The following INPP5A variants were observed in gnomAD, a reference collection of about 807,000 sequenced individuals.
INPP5A encodes the protein inositol polyphosphate-5-phosphatase A.
Under a neutral mutation model 65.2 loss-of-function variants are expected in INPP5A, and 14 were observed. The observed-to-expected ratio is 0.21, with a 90% CI of 0.14 to 0.34. The LOEUF (loss-of-function observed/expected upper bound fraction) is 0.34. Among genes scored for constraint, INPP5A ranks in the 10% least tolerant of loss-of-function variants. INPP5A has a pLI of 1.00. For synonymous variants in INPP5A, 207 were observed against 208.3 expected (o/e 0.99, Z 0.05); for missense variants, 431 against 545.6 (o/e 0.79, Z 2.09).
chr10:132,568,911 A>ATTTTT (rs1171904388), intron 1 of INPP5A, among the ~76,000 whole-genome samples: 8 of 129,050 alleles, frequency 6.2e-5, no homozygotes, highest in African/African-American at 2.3e-4. Context: ...TCTTACCGGC[A>ATTTTT]TTTTTTTTTT....
chr10:132,713,623 C>G (rs1369085004), intron 8 of INPP5A, among the ~76,000 whole-genome samples: 1 of 152,136 alleles, frequency 6.6e-6, no homozygotes, highest in African/African-American at 2.4e-5. Context: ...GTGATGGAGC[C>G]CTGGTCCCCT....
intron 9 of INPP5A, among the ~76,000 whole-genome samples, chr10:132,737,899 A>G (rs1489634404): frequency 6.6e-6 from 1 of 152,234 alleles, no homozygotes; most frequent in Admixed American, 6.5e-5. Context: ...TAGTGATGAC[A>G]TTAGGCTTCG....
At chr10:132,654,427 C>G (rs2072623394) in intron 4 of INPP5A, among the ~76,000 whole-genome samples, 1 of 152,258 alleles carries the variant, frequency 6.6e-6, no homozygotes, top group Admixed American at 6.5e-5. Flanking sequence ...TGTCTTGTCA[C>G]TGAGACTGGG....
At position 132,741,742 on chromosome 10, in the gene INPP5A, A is replaced by G. The variant is rs1846275576; in HGVS notation, c.733-7775A>G. On this transcript the variant is annotated intron_variant, in intron 9 of 15. Coordinates refer to ENST00000368594, the MANE Select transcript of INPP5A (RefSeq NM_005539.5). This position sits in a 1 kb window ranked among gnomAD's most constrained non-coding sequence, Gnocchi z 4.4. Reference sequence around the variant, plus strand: ...TATCTGTGTCCGCTTGCTTTACTCAATAGCCGACGTAAACTGAGGTGGACG... The same window carrying G: ...TATCTGTGTCCGCTTGCTTTACTCAGTAGCCGACGTAAACTGAGGTGGACG... Among the ~76,000 whole-genome samples the G allele has an allele frequency of 1.7e-5, 1 of 58,394 alleles. No individual in the cohort carries two copies. Among genetic ancestry groups the G allele is most frequent in the South Asian group, 6.1e-4 (1 of 1,646 alleles). 38.3% of individuals were successfully genotyped at this position (58,394 alleles called of 152,430 possible).
Position 132,650,286 on chromosome 10 carries a change from T to G in INPP5A, c.219-132T>G. On this transcript the variant is annotated intron_variant, in intron 3 of 15. Coordinates refer to ENST00000368594, the MANE Select transcript of INPP5A (RefSeq NM_005539.5). The surrounding 1 kb of genome is among the most constrained non-coding windows in gnomAD (Gnocchi z 5.5). ...GTGGCTGCCGCCATTCCCTGCCCTC[T>G]GCCTGTCACGGGTGGATGGTCTCAC... The G allele has an allele frequency of 1.5e-6, 1 of 669,376 alleles. No individual in the cohort carries two copies. Among genetic ancestry groups the G allele is most frequent in the Non-Finnish European group, 2.7e-6 (1 of 367,900 alleles). The allele number at this position is 669,376 out of a possible 1,614,324, so 41.5% of individuals were successfully genotyped here.
intron 1 of INPP5A, among the ~76,000 whole-genome samples, chr10:132,558,412 G>A (rs977179471): frequency 1.3e-5 from 2 of 152,222 alleles, no homozygotes; most frequent in African/African-American, 4.8e-5. Context: ...GGCCCTGACA[G>A]CTGCATGGTG....
intron 2 of INPP5A, among the ~76,000 whole-genome samples, chr10:132,618,878 G>A (rs1172574449): frequency 1.1e-4 from 17 of 152,150 alleles, no homozygotes; most frequent in Non-Finnish European, 8.8e-5. Flanking sequence ...TCACCAAGGG[G>A]ATGGCCCAGT....
At chr10:132,738,788 G>T (rs1009833405) in intron 9 of INPP5A, among the ~76,000 whole-genome samples, 1 of 152,194 alleles carries the variant, frequency 6.6e-6, no homozygotes, top group African/African-American at 2.4e-5. Context: ...GAGGAGGGAG[G>T]CCACTCGGAT....
rs1472026542 is a variant in INPP5A at position 132,644,022 on chromosome 10, A to C, written c.118-1846A>C. On this transcript the variant is annotated intron_variant, in intron 2 of 15. Coordinates refer to ENST00000368594, the MANE Select transcript of INPP5A (RefSeq NM_005539.5). This position sits in a 1 kb window ranked among gnomAD's most constrained non-coding sequence, Gnocchi z 6.5. ...CAAAACCAGAGTTGTGCATCAAGAC[A>C]GCTGGAACCAGACCACCGGAAACAC... Among the ~76,000 whole-genome samples the C allele has an allele frequency of 6.6e-6, 1 of 152,140 alleles. No individual in the cohort carries two copies. Among genetic ancestry groups the C allele is most frequent in the African/African-American group, 2.4e-5 (1 of 41,436 alleles).
chr10:132,548,226 TG>T (rs2071003705), intron 1 of INPP5A, among the ~76,000 whole-genome samples: 1 of 151,682 alleles, frequency 6.6e-6, no homozygotes, highest in South Asian at 2.1e-4. Flanking sequence ...AGGGGTGGGG[TG>T]GGGCCAATGC....
rs530609567 is a variant in INPP5A at position 132,637,893 on chromosome 10, G to A, written c.118-7975G>A. On this transcript the variant is annotated intron_variant, in intron 2 of 15. Transcript: ENST00000368594. The surrounding 1 kb of genome is among the most constrained non-coding windows in gnomAD (Gnocchi z 4.1). ...GGCACGTTTTCCTCAGTTTGTGTGT[G>A]TACAATTTTTTGTCTTTTTTTTACA... 6.6e-6 allele frequency among the ~76,000 whole-genome samples: 1 copy of A among 152,220 alleles called. No homozygotes were observed. Among genetic ancestry groups the A allele is most frequent in the South Asian group, 2.1e-4 (1 of 4,818 alleles).
intron 4 of INPP5A, among the ~76,000 whole-genome samples, chr10:132,680,852 G>T (rs1465434191): frequency 1.3e-5 from 2 of 152,276 alleles, no homozygotes; most frequent in Non-Finnish European, 2.9e-5. Flanking sequence ...CACCGGCGCT[G>T]CACTCAATTT....
intron 1 of INPP5A, among the ~76,000 whole-genome samples, chr10:132,573,477 A>G (rs71217078): frequency 5.0e-3 from 146 of 29,154 alleles, no homozygotes; most frequent in East Asian, 5.9e-3. Flanking sequence ...GTTGGGGTGT[A>G]CGTGCCGTGT....
chr10:132,646,075 C>CA (rs2072490080), intron 3 of INPP5A, 107 bp downstream of exon 3: 1 of 715,612 alleles, frequency 1.4e-6, no homozygotes, highest in Admixed American at 2.1e-5. Flanking sequence ...ATTCGGGACT[C>CA]ACCTGGGGGT....
chr10:132,723,574 GTGGGGATTGGCCGTGTGGGGATTGGTTT>G lies in INPP5A; in HGVS notation c.648-3244_648-3217del, dbSNP rs1434456470. Among the ~76,000 whole-genome samples, 223 of 95,444 alleles carry G rather than the reference GTGGGGATTGGCCGTGTGGGGATTGGTTT, an allele frequency of 2.3e-3. 1 individual carries two copies. Among genetic ancestry groups the G allele is most frequent in the African/African-American group, 7.0e-3 (160 of 22,746 alleles). 62.6% of individuals were successfully genotyped at this position (95,444 alleles called of 152,430 possible). A position where few individuals can be genotyped will look rare whatever the true frequency, so the allele number is the denominator to read the frequency against. ...GATTGGCCGTGTGGGGATTGGCCAT[GTGGGGATTGGCCGTGTGGGGATTGGTTT>G]TGTGGGGATTGGCCGTGTGGGGATT... is the stretch of plus-strand genomic sequence containing the variant. On this transcript the variant is annotated intron_variant, in intron 8 of 15. Coordinates refer to ENST00000368594, the MANE Select transcript of INPP5A (RefSeq NM_005539.5).
At chr10:132,751,968 G>A (rs1460304645) in intron 11 of INPP5A, among the ~76,000 whole-genome samples, 1 of 149,814 alleles carries the variant, frequency 6.7e-6, no homozygotes, top group Non-Finnish European at 1.5e-5. Flanking sequence ...GAAAGGGGGT[G>A]CACAGGACGT....
intron 11 of INPP5A, among the ~76,000 whole-genome samples, chr10:132,751,116 C>T (rs1846468589): frequency 6.6e-6 from 1 of 152,208 alleles, no homozygotes; most frequent in Non-Finnish European, 1.5e-5. Flanking sequence ...CATTCGCTGC[C>T]TCCCCAACGG....
At position 132,704,242 on chromosome 10, in the gene INPP5A, C is replaced by T. The variant is rs1345555011; in HGVS notation, c.475-4071C>T. Among the ~76,000 whole-genome samples, 2 of 152,136 alleles carry T rather than the reference C, an allele frequency of 1.3e-5. No individual in the cohort carries two copies. Among genetic ancestry groups the T allele is most frequent in the South Asian group, 2.1e-4 (1 of 4,828 alleles). ...GACGGTACCTTTTCTCCTGGAAAGACGCCTGCCTCCCACTGTCACTAGTAG... is the reference window on the plus strand; with the variant it reads ...GACGGTACCTTTTCTCCTGGAAAGATGCCTGCCTCCCACTGTCACTAGTAG... On this transcript the variant is annotated intron_variant, in intron 6 of 15. Transcript: ENST00000368594. This position sits in a 1 kb window ranked among gnomAD's most constrained non-coding sequence, Gnocchi z 4.5.
intron 8 of INPP5A, among the ~76,000 whole-genome samples, chr10:132,715,935 C>T (rs74415846): frequency 0.022 from 3,290 of 152,314 alleles, 56 homozygotes; most frequent in South Asian, 0.053. Flanking sequence ...AGCACAAGCC[C>T]GTGCCCTCTG....
Sources: gnomAD v4.1 joint callset for allele counts (sites outside exome capture counted in the v4.1 genomes callset) on GRCh38, gnomAD v4.1.1 for gene constraint, Gnocchi (gnomAD v3.1) non-coding constraint, MANE v1.5 for transcripts, NCBI Gene and HGNC (gene_info 2026-07-23, HGNC 2026-07-21) for gene names.